The following PPP6R1 variants were observed in gnomAD, a reference collection of about 807,000 sequenced individuals.
PPP6R1 encodes the protein serine/threonine-protein phosphatase 6 regulatory subunit 1.
A neutral mutation model predicts 104.6 loss-of-function variants in PPP6R1; 39 were observed. That is an observed-to-expected ratio of 0.37 (90% CI 0.29 to 0.49). The LOEUF (loss-of-function observed/expected upper bound fraction) is 0.49, where lower values mean the gene tolerates loss of function less well. PPP6R1 is among the 20% of genes least tolerant of loss of function. PPP6R1 has a pLI of 0.98. For synonymous variants in PPP6R1, 549 were observed against 479.0 expected (o/e 1.15, Z -1.91); for missense variants, 1,181 against 1,155.8 (o/e 1.02, Z -0.32).
intron 1 of PPP6R1, among the ~76,000 whole-genome samples, chr19:55,253,529 C>T (rs181347764): frequency 1.1e-4 from 16 of 152,318 alleles, no homozygotes; most frequent in African/African-American, 3.1e-4. Context: ...CGCTGGTGCA[C>T]GGCATCCAAG....
rs747906839 is a variant in PPP6R1 at position 55,247,339 on chromosome 19, C to T, written c.-6-230G>A. On this transcript the variant is annotated intron_variant, in intron 1 of 23. Transcript: ENST00000412770. ...AGCACCAGGCTCCTGCAGTTGCCCT[C>T]GAGCCTGCCCCTCTTCCCCCATCTC... is the stretch of plus-strand genomic sequence containing the variant. 15 of 558,450 alleles carry T rather than the reference C, an allele frequency of 2.7e-5. 1 individual carries two copies. Among genetic ancestry groups the T allele is most frequent in the South Asian group, 2.5e-4 (12 of 47,666 alleles). 34.6% of individuals were successfully genotyped at this position (558,450 alleles called of 1,614,324 possible). A position where few individuals can be genotyped will look rare whatever the true frequency, so the allele number is the denominator to read the frequency against.
At chr19:55,228,855 T>A, downstream of PPP6R1, 1 of 1,071,320 alleles carries the variant, frequency 9.3e-7, no homozygotes, top group Non-Finnish European at 1.4e-6. Flanking sequence ...ACTCTGTGAC[T>A]GATAACAGGG....
At position 55,245,471 on chromosome 19, in the gene PPP6R1, C is replaced by A; in HGVS notation, c.414+21G>T. 1 of 1,610,208 alleles carries A rather than the reference C, an allele frequency of 6.2e-7. No homozygotes were observed. Among genetic ancestry groups the A allele is most frequent in the Non-Finnish European group, 8.5e-7 (1 of 1,178,112 alleles). ...CACCACCCCTCAACCCACGGTGGCG[C>A]CAGGGTGGGGGCCAGGGCACCTGGT... is the stretch of plus-strand genomic sequence containing the variant. On this transcript the variant is annotated intron_variant, in intron 3 of 23. Transcript: ENST00000412770. This position sits in a 1 kb window ranked among gnomAD's most constrained non-coding sequence, Gnocchi z 6.4.
intron 10 of PPP6R1, 139 bp from the exon 11 acceptor site, chr19:55,240,439 G>C: frequency 1.2e-6 from 1 of 863,382 alleles, no homozygotes; most frequent in East Asian, 2.7e-5. Flanking sequence ...GGGAAGGAGG[G>C]ATGCAAGCTG....
rs1034913649 is a variant in PPP6R1 at position 55,230,097 on chromosome 19, C to G, written c.*431G>C. 1 of 171,048 alleles carries G rather than the reference C, an allele frequency of 5.8e-6. No homozygotes were observed. The highest frequency in any genetic ancestry group is 1.5e-4 in the South Asian group (1 of 6,502). 10.6% of individuals were successfully genotyped at this position (171,048 alleles called of 1,614,324 possible). A position where few individuals can be genotyped will look rare whatever the true frequency, so the allele number is the denominator to read the frequency against. On this transcript the variant is annotated 3_prime_UTR_variant, in exon 24 of 24. Coordinates refer to ENST00000412770, the MANE Select transcript of PPP6R1 (RefSeq NM_014931.4). ...AAAGGCCGGGTGTGGGCGTGGCCGT[C>G]TGCGCTGCAGCGTGGGACAGCTGGG...
At chr19:55,246,328 G>C (rs2087507938) in intron 2 of PPP6R1, among the ~76,000 whole-genome samples, 1 of 151,834 alleles carries the variant, frequency 6.6e-6, no homozygotes, top group African/African-American at 2.4e-5. Flanking sequence ...AGGAGGGTGA[G>C]GCAGGAGAAT....
intron 5 of PPP6R1, among the ~76,000 whole-genome samples, chr19:55,242,818 G>A (rs117693097): frequency 6.6e-6 from 1 of 152,220 alleles, no homozygotes; most frequent in Admixed American, 6.5e-5. Flanking sequence ...CCACACAGGA[G>A]AGTGCTAATC....
At chr19:55,231,769 A>C in intron 19 of PPP6R1, 33 bp downstream of exon 19, 5 of 1,492,322 alleles carry the variant, frequency 3.4e-6, no homozygotes, top group Non-Finnish European at 4.5e-6. Flanking sequence ...TCGGGATACC[A>C]GCACCATTTA....
chr19:55,239,226 C>A lies in PPP6R1; in HGVS notation c.1751+179G>T, dbSNP rs1216823474. 9 of 624,894 alleles carry A rather than the reference C, an allele frequency of 1.4e-5. No individual in the cohort carries two copies. In the Admixed American group the frequency reaches 2.0e-4, roughly 14 times the overall value. The allele number at this position is 624,894 out of a possible 1,614,324, so 38.7% of individuals were successfully genotyped here. On this transcript the variant is annotated intron_variant, in intron 15 of 23. Coordinates refer to ENST00000412770, the MANE Select transcript of PPP6R1 (RefSeq NM_014931.4). ...GAGCTGGAACTCATGTAACAGGAGG[C>A]AGACACACGAGGCTGCAGACACACA... is the stretch of plus-strand genomic sequence containing the variant.
Position 55,258,601 on chromosome 19 carries a change from C to T in PPP6R1, c.-173G>A, listed in dbSNP as rs1309310988. ...GGCTCGCGGGGTCCGCGCAGGCGCCCGCGGGTCGTGGGGTCCTCGCGCGCC... is the reference window on the plus strand; with the variant it reads ...GGCTCGCGGGGTCCGCGCAGGCGCCTGCGGGTCGTGGGGTCCTCGCGCGCC... On this transcript the variant is annotated 5_prime_UTR_variant, in exon 1 of 24. Transcript: ENST00000412770. 3 of 150,192 alleles carry T rather than the reference C, an allele frequency of 2.0e-5. No homozygotes were observed. Among genetic ancestry groups the T allele is most frequent in the Admixed American group, 2.0e-4 (3 of 15,150 alleles). The allele number at this position is 150,192 out of a possible 1,614,324, so 9.3% of individuals were successfully genotyped here. A position where few individuals can be genotyped will look rare whatever the true frequency, so the allele number is the denominator to read the frequency against.
intron 1 of PPP6R1, chr19:55,247,359 C>A: frequency 1.9e-6 from 1 of 539,264 alleles, no homozygotes; most frequent in Non-Finnish European, 3.3e-6. Flanking sequence ...CCTCTTCCCC[C>A]ATCTCCAGCC....
At position 55,245,286 on chromosome 19, in the gene PPP6R1, C is replaced by T. The variant is rs1422405796; in HGVS notation, c.531G>A (p.Gln177=). The T allele has an allele frequency of 1.9e-6, 3 of 1,599,468 alleles. No homozygotes were observed. The highest frequency in any genetic ancestry group is 1.7e-6 in the Non-Finnish European group (2 of 1,173,616). The change falls in exon 4 of 24, where the codon CAG becomes CAA. Residue 177 remains glutamine (Q), a synonymous_variant. Transcript: ENST00000412770. This position sits in a 1 kb window ranked among gnomAD's most constrained non-coding sequence, Gnocchi z 6.4. ...TCACATTGACAACATCCTGCCTCAG[C>T]TGAGGCCGCTCCACACAGGTGAGCA... ...LRLLTCVERP[Q]LRQDVVNWLN... is the part of the protein sequence containing the mutation.
Position 55,230,434 on chromosome 19 carries a change from G to A in PPP6R1, c.*94C>T, listed in dbSNP as rs1271757618. ...GAATGTGGGGGTGTCAGGGTGATGA[G>A]GGCAATGGGGGCCATCGTGGGACCC... is the stretch of plus-strand genomic sequence containing the variant. On this transcript the variant is annotated 3_prime_UTR_variant, in exon 24 of 24. Coordinates refer to ENST00000412770, the MANE Select transcript of PPP6R1 (RefSeq NM_014931.4). 9.6e-6 allele frequency: 15 copies of A among 1,556,664 alleles called. No homozygotes were observed. The highest frequency in any genetic ancestry group is 2.3e-5 in the East Asian group (1 of 43,868).
chr19:55,250,850 C>T (rs1321663049), intron 1 of PPP6R1, among the ~76,000 whole-genome samples: 4 of 152,094 alleles, frequency 2.6e-5, no homozygotes, highest in East Asian at 1.9e-4. Context: ...CGACCGCAGG[C>T]GACCCCTGCT....
intron 2 of PPP6R1, 120 bp downstream of exon 2, chr19:55,246,757 C>T: frequency 9.9e-7 from 1 of 1,011,194 alleles, no homozygotes; most frequent in Non-Finnish European, 1.4e-6. Flanking sequence ...GCCTCGTCTT[C>T]CTCATCCCCA....
chr19:55,257,206 C>G (rs1256548438), intron 1 of PPP6R1, among the ~76,000 whole-genome samples: 1 of 152,164 alleles, frequency 6.6e-6, no homozygotes, highest in African/African-American at 2.4e-5. Context: ...GTATGTAAAC[C>G]AAGTCCTCAT....
chr19:55,245,916 A>G lies in PPP6R1; in HGVS notation c.228-238T>C, dbSNP rs1359163698. On this transcript the variant is annotated intron_variant, in intron 2 of 23. Transcript: ENST00000412770. The surrounding 1 kb of genome is among the most constrained non-coding windows in gnomAD (Gnocchi z 6.4). ...CTAGGCTCCTTACCACCCCCAAGACAAGCTGGTCCTGAAGCTCCTGCGCTT... is the reference window on the plus strand; with the variant it reads ...CTAGGCTCCTTACCACCCCCAAGACGAGCTGGTCCTGAAGCTCCTGCGCTT... Among the ~76,000 whole-genome samples, 1 of 151,998 alleles carries G rather than the reference A, an allele frequency of 6.6e-6. No homozygotes were observed. Among genetic ancestry groups the G allele is most frequent in the African/African-American group, 2.4e-5 (1 of 41,378 alleles).
intron 1 of PPP6R1, among the ~76,000 whole-genome samples, chr19:55,249,842 A>G (rs1003384548): frequency 6.6e-5 from 9 of 137,274 alleles, no homozygotes; most frequent in Non-Finnish European, 1.1e-4. Context: ...TCTGTCTCGG[A>G]AAAAAAAAAA....
chr19:55,231,566 G>A (rs755618426), intron 20 of PPP6R1, 32 bp downstream of exon 20: 33 of 1,603,424 alleles, frequency 2.1e-5, no homozygotes, highest in Non-Finnish European at 2.7e-5. Context: ...TCTGCCCAGG[G>A]CCGCGGGTGG....
Sources: gnomAD v4.1 joint callset for allele counts (sites outside exome capture counted in the v4.1 genomes callset) on GRCh38, gnomAD v4.1.1 for gene constraint, Gnocchi (gnomAD v3.1) non-coding constraint, MANE v1.5 for transcripts, NCBI Gene and HGNC (gene_info 2026-07-23, HGNC 2026-07-21) for gene names.